Variants in SETD2 observed in about 807,000 individuals in gnomAD.
The protein encoded by SETD2 is SET domain containing 2, histone lysine methyltransferase, also known as histone-lysine N-methyltransferase SETD2.
Under a neutral mutation model 242.1 loss-of-function variants are expected in SETD2, and 31 were observed. That is an observed-to-expected ratio of 0.13 (90% CI 0.10 to 0.17). The LOEUF is 0.17. SETD2 is among the 10% of genes least tolerant of loss of function. SETD2 has a pLI of 1.00. For synonymous variants in SETD2, 1,006 were observed against 1,066.5 expected, an observed-to-expected ratio of 0.94 and a Z score of 1.11; for missense variants, 2,481 against 3,046.3, an observed-to-expected ratio of 0.81 and a Z score of 4.37.
Position 47,016,851 on chromosome 3 carries a change from T to G in SETD2, c.*242A>C. ...TGGAGTCAGGTCTGGCCAGGGTCTT[T>G]TCTAAGCCCTTGCACCTCTGATGGC... On this transcript the variant is annotated 3_prime_UTR_variant, in exon 21 of 21. Transcript: ENST00000409792. 1 of 496,776 alleles carries G rather than the reference T, an allele frequency of 2.0e-6. No homozygotes were observed. 30.8% of individuals were successfully genotyped at this position (496,776 alleles called of 1,614,324 possible).
intron 17 of SETD2, among the ~76,000 whole-genome samples, chr3:47,038,536 A>G (rs1165193266): frequency 6.6e-6 from 1 of 152,072 alleles, no homozygotes; most frequent in Non-Finnish European, 1.5e-5. Context: ...AATAACTTCA[A>G]CCTGGGAGGC....
At chr3:47,150,004 T>C (rs1371568013) in intron 1 of SETD2, among the ~76,000 whole-genome samples, 1 of 151,480 alleles carries the variant, frequency 6.6e-6, no homozygotes, top group Non-Finnish European at 1.5e-5. Context: ...CATTTTTCAG[T>C]GTCTTTTGGC....
chr3:47,130,698 G>A (rs1426827140), intron 1 of SETD2, among the ~76,000 whole-genome samples: 1 of 152,014 alleles, frequency 6.6e-6, no homozygotes, highest in Non-Finnish European at 1.5e-5. Flanking sequence ...AAGGAGGCAT[G>A]TGAAAACAAG....
In SETD2 at chr3:47,164,012, CGCGGCGGCGGCG is replaced by C. The variant is rs76496241; in HGVS notation, c.-100_-89del. 5.3e-4 allele frequency: 614 copies of C among 1,159,292 alleles called. No individual in the cohort carries two copies. The highest frequency in any genetic ancestry group is 1.1e-3 in the East Asian group (30 of 27,216). The allele number at this position is 1,159,292 out of a possible 1,614,324, so 71.8% of individuals were successfully genotyped here. A position where few individuals can be genotyped will look rare whatever the true frequency, so the allele number is the denominator to read the frequency against. ...GAGGGGAGGAGGCCGCAGGTCCGACCGCGGCGGCGGCGGCGGCGGCGGCGGCGGCGGCAGGGG... is the reference window on the plus strand; with the variant it reads ...GAGGGGAGGAGGCCGCAGGTCCGACCGCGGCGGCGGCGGCGGCGGCAGGGG... On this transcript the variant is annotated 5_prime_UTR_variant, in exon 1 of 21. Coordinates refer to ENST00000409792, the MANE Select transcript of SETD2 (RefSeq NM_014159.7). This position sits in a 1 kb window ranked among gnomAD's most constrained non-coding sequence, Gnocchi z 5.4.
rs1697590470 is a variant in SETD2 at position 47,163,981 on chromosome 3, G to C, written c.-57C>G. On this transcript the variant is annotated 5_prime_UTR_variant, in exon 1 of 21. Coordinates refer to ENST00000409792, the MANE Select transcript of SETD2 (RefSeq NM_014159.7). ...CCTCCCCGCAGCAGGGCGACGCGGG[G>C]GAGGGGAGGGGAGGAGGCCGCAGGT... 2.4e-6 allele frequency: 3 copies of C among 1,246,290 alleles called. No homozygotes were observed. The East Asian group carries it at 9.6e-5, about 40-fold the overall frequency. The allele number at this position is 1,246,290 out of a possible 1,614,324, so 77.2% of individuals were successfully genotyped here.
chr3:47,145,461 C>A (rs2043830171), intron 1 of SETD2: 1 of 409,050 alleles, frequency 2.4e-6, no homozygotes, highest in Non-Finnish European at 5.0e-6. Context: ...GTAGTACAAT[C>A]CCAGCTTGCT....
At chr3:47,073,921 C>T (rs1487947487) in intron 12 of SETD2, among the ~76,000 whole-genome samples, 1 of 152,162 alleles carries the variant, frequency 6.6e-6, no homozygotes, top group Admixed American at 6.5e-5. Context: ...CTATGAAGAG[C>T]AATTTGGCAA....
intron 6 of SETD2, among the ~76,000 whole-genome samples, chr3:47,105,139 G>A (rs1239230904): frequency 4.6e-5 from 7 of 152,082 alleles, no homozygotes; most frequent in Non-Finnish European, 1.5e-5. Flanking sequence ...GCCAGGCACG[G>A]TGGCTCACAC....
At chr3:47,022,193 T>TCACACACACA (rs55972218) in intron 18 of SETD2, among the ~76,000 whole-genome samples, 3,852 of 130,910 alleles carry the variant, frequency 0.029, 87 homozygotes, top group African/African-American at 0.045. Flanking sequence ...CAACAATCTG[T>TCACACACACA]CACACACACA....
intron 12 of SETD2, among the ~76,000 whole-genome samples, chr3:47,069,073 G>A (rs966537110): frequency 2.6e-5 from 4 of 152,168 alleles, no homozygotes; most frequent in African/African-American, 7.2e-5. Context: ...GATTACAGAT[G>A]TGAGCCACCG....
At chr3:47,103,801 A>G (rs1228727114) in intron 6 of SETD2, among the ~76,000 whole-genome samples, 1 of 152,176 alleles carries the variant, frequency 6.6e-6, no homozygotes, top group Non-Finnish European at 1.5e-5. Flanking sequence ...GAACTGTCAC[A>G]CTGCTTCCCA....
intron 4 of SETD2, 115 bp from the exon 5 acceptor site, chr3:47,114,119 C>T: frequency 1.9e-6 from 2 of 1,064,786 alleles, no homozygotes; most frequent in Non-Finnish European, 2.7e-6. Context: ...GTATAATTAG[C>T]ATATGTATGA....
intron 17 of SETD2, chr3:47,041,365 T>C (rs186915806): frequency 2.0e-4 from 89 of 449,164 alleles, no homozygotes; most frequent in Middle Eastern, 2.0e-3. Context: ...CTAACAGTTG[T>C]AGCTGGGTGT....
intron 9 of SETD2, among the ~76,000 whole-genome samples, chr3:47,095,947 G>A (rs1350305562): frequency 6.6e-6 from 1 of 152,084 alleles, no homozygotes; most frequent in Admixed American, 6.5e-5. Context: ...ATAGAGATGA[G>A]GTCTCACTAT....
chr3:47,126,759 G>T, intron 1 of SETD2, 96 bp from the exon 2 acceptor site: 1 of 728,614 alleles, frequency 1.4e-6, no homozygotes, highest in South Asian at 1.7e-5. Flanking sequence ...ATTAAAACTT[G>T]GGATACTTAC....
In SETD2 at chr3:47,083,861, A is replaced by G; in HGVS notation, c.5919T>C (p.Pro1973=). 6.2e-7 allele frequency: 1 copy of G among 1,614,086 alleles called. No homozygotes were observed. The highest frequency in any genetic ancestry group is 8.5e-7 in the Non-Finnish European group (1 of 1,180,006). ...CTTGGGATGGTGTTTCTTCATTAAT[A>G]GGTTCTTCTAGTTTTGTGCCGTTGC... ...KESNGTKLEE[P]INEETPSQDE... is the part of the protein sequence containing the mutation. Residue 1973 remains proline (P), a synonymous_variant, in exon 12 of 21, where the codon CCT becomes CCC. Coordinates refer to ENST00000409792, the MANE Select transcript of SETD2 (RefSeq NM_014159.7).
chr3:47,034,695 C>CA (rs1433299555), intron 18 of SETD2, among the ~76,000 whole-genome samples: 1 of 152,156 alleles, frequency 6.6e-6, no homozygotes, highest in Non-Finnish European at 1.5e-5. Flanking sequence ...AATCAAATGA[C>CA]AAAATAAATA....
At chr3:47,106,493 TAAAAAAAAAAA>T (rs766455577) in intron 5 of SETD2, among the ~76,000 whole-genome samples, 41 of 57,268 alleles carry the variant, frequency 7.2e-4, no homozygotes, top group African/African-American at 2.2e-3. Flanking sequence ...ATTTTTGCTC[TAAAAAAAAAAA>T]AAAAAAAAAA....
In SETD2 at chr3:47,101,417, TCC is replaced by T. The variant is rs60548476; in HGVS notation, c.5015+39_5015+40del. 0.58 allele frequency: 682,413 copies of T among 1,175,954 alleles called. 198,215 individuals are homozygous for T. Among genetic ancestry groups the T allele is most frequent in the African/African-American group, 0.68 (45,029 of 65,974 alleles). The allele number at this position is 1,175,954 out of a possible 1,614,324, so 72.8% of individuals were successfully genotyped here. A position where few individuals can be genotyped will look rare whatever the true frequency, so the allele number is the denominator to read the frequency against. On this transcript the variant is annotated intron_variant, in intron 8 of 20. Transcript: ENST00000409792. Reference sequence around the variant, plus strand: ...TATCCTTATATCTGAACAGCCTATTTCCCCATCAGAAGCAGCAAAATTAGTAG... The same window carrying T: ...TATCCTTATATCTGAACAGCCTATTTCCATCAGAAGCAGCAAAATTAGTAG...
Sources: allele counts gnomAD v4.1 joint callset (sites outside exome capture counted in the v4.1 genomes callset), GRCh38; gene constraint gnomAD v4.1.1; non-coding constraint Gnocchi (gnomAD v3.1); transcripts MANE v1.5; gene names NCBI Gene and HGNC (gene_info 2026-07-23, HGNC 2026-07-21).